The following NPFFR2 variants were observed in gnomAD, a reference collection of about 807,000 sequenced individuals.
NPFFR2 encodes the protein G-protein coupled receptor 74.
A neutral mutation model predicts 13.1 loss-of-function variants in NPFFR2; 15 were observed. That is an observed-to-expected ratio of 1.15 (90% confidence interval 0.77 to 1.76). NPFFR2 has a LOEUF of 1.76. Among genes scored for constraint, NPFFR2 ranks in the 40% most tolerant of loss-of-function variants. NPFFR2 has a pLI of 0.00. For missense variants in NPFFR2, 572 were observed against 503.5 expected (o/e 1.14, Z -1.30); for synonymous variants, 190 against 175.7 (o/e 1.08, Z -0.65).
chr4:72,047,940 G>A (rs958092574), intron 1 of NPFFR2, among the ~76,000 whole-genome samples: 6 of 152,080 alleles, frequency 3.9e-5, no homozygotes, highest in Non-Finnish European at 8.8e-5. Context: ...TCTAGGGACT[G>A]TGGGCAAGGA....
At position 72,137,904 on chromosome 4, in the gene NPFFR2, T is replaced by G. The variant is rs565725710; in HGVS notation, c.329-136T>G. On this transcript the variant is annotated intron_variant, in intron 2 of 3. Transcript: ENST00000308744. ...GCTCTGGAGATATTAGGGGAAATACTGAGAAACATTGATTTTTCTCTGCCT... is the reference window on the plus strand; with the variant it reads ...GCTCTGGAGATATTAGGGGAAATACGGAGAAACATTGATTTTTCTCTGCCT... The G allele has an allele frequency of 7.7e-6, 5 of 652,512 alleles. No homozygotes were observed. The African/African-American group carries it at 9.1e-5, about 12-fold the overall frequency. 40.4% of individuals were successfully genotyped at this position (652,512 alleles called of 1,614,324 possible). A position where few individuals can be genotyped will look rare whatever the true frequency, so the allele number is the denominator to read the frequency against.
At chr4:72,084,515 T>G (rs555114916) in intron 1 of NPFFR2, among the ~76,000 whole-genome samples, 1 of 152,294 alleles carries the variant, frequency 6.6e-6, no homozygotes, top group East Asian at 1.9e-4. Flanking sequence ...TAAGACCAAC[T>G]GGCAATAAAC....
chr4:72,114,847 T>G (rs1261882237), intron 1 of NPFFR2, among the ~76,000 whole-genome samples: 1 of 152,152 alleles, frequency 6.6e-6, no homozygotes, highest in Admixed American at 6.6e-5. Context: ...GTCTCTGAAG[T>G]CAGACTATCT....
intron 1 of NPFFR2, among the ~76,000 whole-genome samples, chr4:72,127,489 G>C (rs1348087203): frequency 1.5e-4 from 21 of 135,766 alleles, no homozygotes; most frequent in African/African-American, 5.7e-4. Flanking sequence ...TCAGCCTCCC[G>C]AGTAGCTGGG....
At chr4:72,122,528 A>G (rs181768616) in intron 1 of NPFFR2, among the ~76,000 whole-genome samples, 10 of 152,358 alleles carry the variant, frequency 6.6e-5, no homozygotes, top group African/African-American at 2.2e-4. Flanking sequence ...CAAATGCAAA[A>G]GAACAGAAAT....
rs1468143710 is a variant in NPFFR2 at position 72,128,775 on chromosome 4, G to A, written c.184G>A (p.Gly62Arg). 1.9e-6 allele frequency: 3 copies of A among 1,614,070 alleles called. No individual in the cohort carries two copies. The highest frequency in any genetic ancestry group is 2.5e-6 in the Non-Finnish European group (3 of 1,179,994). The stretch of plus-strand genomic sequence containing the variant: ...TCTGATCTTCTTTTTGTGCATGATG[G>A]GAAATACTGTGGTTTGCTTTATTGT... ...YFLIFFLCMM[G>R]NTVVCFIVMR... is the part of the protein sequence containing the mutation. The change falls in exon 2 of 4, where the codon GGA (glycine) becomes AGA (arginine). Residue 62 changes from glycine to arginine, a missense_variant. Gly to Arg is a moderately radical substitution (Grantham distance 125). Coordinates refer to ENST00000308744, the MANE Select transcript of NPFFR2 (RefSeq NM_004885.3).
chr4:72,148,026 T>A lies in NPFFR2; in HGVS notation c.*214T>A, dbSNP rs556850739. 6 of 451,072 alleles carry A rather than the reference T, an allele frequency of 1.3e-5. No homozygotes were observed. In the East Asian group the frequency reaches 1.8e-4, roughly 14 times the overall value. 27.9% of individuals were successfully genotyped at this position (451,072 alleles called of 1,614,324 possible). A position where few individuals can be genotyped will look rare whatever the true frequency, so the allele number is the denominator to read the frequency against. The stretch of plus-strand genomic sequence containing the variant: ...AAAAATACGTAGAGTGACTTAGACA[T>A]GTTTGCATGAATAAATATATTTCTA... On this transcript the variant is annotated 3_prime_UTR_variant, in exon 4 of 4. Transcript: ENST00000308744.
chr4:72,072,817 T>C (rs1720299595), intron 1 of NPFFR2, among the ~76,000 whole-genome samples: 1 of 152,080 alleles, frequency 6.6e-6, no homozygotes, highest in South Asian at 2.1e-4. Flanking sequence ...TGAAAGTAGC[T>C]TTAGAGGAGT....
intron 1 of NPFFR2, among the ~76,000 whole-genome samples, chr4:72,044,230 C>G (rs192357180): frequency 2.1e-4 from 32 of 152,262 alleles, no homozygotes; most frequent in African/African-American, 7.5e-4. Flanking sequence ...TATAAATTAC[C>G]CAGTCTTGAG....
At chr4:72,145,791 A>G (rs1722762479) in intron 3 of NPFFR2, among the ~76,000 whole-genome samples, 2 of 152,222 alleles carry the variant, frequency 1.3e-5, no homozygotes, top group South Asian at 2.1e-4. Context: ...GAATGTAACA[A>G]TTTTCATAAC....
chr4:72,103,716 A>G (rs1179271095), intron 1 of NPFFR2, among the ~76,000 whole-genome samples: 1 of 152,130 alleles, frequency 6.6e-6, no homozygotes, highest in Non-Finnish European at 1.5e-5. Context: ...TAGTTATGCC[A>G]TATCATTTCA....
intron 1 of NPFFR2, among the ~76,000 whole-genome samples, chr4:72,062,868 T>C (rs4382013): frequency 0.89 from 135,684 of 152,154 alleles, 61,598 homozygotes; most frequent in Non-Finnish European, 0.98. Flanking sequence ...AGCCAGCCTA[T>C]AGCTGACCAA....
At position 72,051,669 on chromosome 4, in the gene NPFFR2, A is replaced by C. The variant is rs190051813; in HGVS notation, c.-8+19469A>C. Among the ~76,000 whole-genome samples, 49 of 152,158 alleles carry C rather than the reference A, an allele frequency of 3.2e-4. No individual in the cohort carries two copies. In the East Asian group the frequency reaches 6.6e-3, roughly 20 times the overall value. ...CAGAGCAGAACTGAAGGAAATAGAG[A>C]CACAAAAAACCCTTCAAAAAATTGG... is the stretch of plus-strand genomic sequence containing the variant. On this transcript the variant is annotated intron_variant, in intron 1 of 3. Transcript: ENST00000308744.
chr4:72,100,345 G>A (rs1721204964), intron 1 of NPFFR2, among the ~76,000 whole-genome samples: 1 of 152,042 alleles, frequency 6.6e-6, no homozygotes, highest in Non-Finnish European at 1.5e-5. Context: ...TAATTTCTGT[G>A]TGAATATGTA....
chr4:72,039,475 A>G (rs1460463445), intron 1 of NPFFR2: 4 of 651,484 alleles, frequency 6.1e-6, no homozygotes, highest in Middle Eastern at 7.8e-4. Flanking sequence ...ACCCATTCAC[A>G]TATATACACT....
In NPFFR2 at chr4:72,063,210, A is replaced by G. The variant is rs572119524; in HGVS notation, c.-8+31010A>G. Among the ~76,000 whole-genome samples, 4 of 152,340 alleles carry G rather than the reference A, an allele frequency of 2.6e-5. 1 individual carries two copies. In the South Asian group the frequency reaches 8.3e-4, roughly 32 times the overall value. Reference sequence around the variant, plus strand: ...AGCATCTGCATTCATAACCAAAAGTATGTTTATATTTGTTATTCTACCAAG... The same window carrying G: ...AGCATCTGCATTCATAACCAAAAGTGTGTTTATATTTGTTATTCTACCAAG... On this transcript the variant is annotated intron_variant, in intron 1 of 3. Transcript: ENST00000308744.
At chr4:72,075,521 A>T (rs1720399404) in intron 1 of NPFFR2, among the ~76,000 whole-genome samples, 1 of 152,136 alleles carries the variant, frequency 6.6e-6, no homozygotes, top group Non-Finnish European at 1.5e-5. Context: ...TAATGGAGAG[A>T]ACCACCAGAC....
intron 1 of NPFFR2, among the ~76,000 whole-genome samples, chr4:72,047,209 CA>C (rs1719404921): frequency 6.6e-6 from 1 of 151,828 alleles, no homozygotes; most frequent in African/African-American, 2.4e-5. Context: ...CAGAAGAGAG[CA>C]CTAAGGATGT....
chr4:72,091,350 AT>A (rs1424178586), intron 1 of NPFFR2, among the ~76,000 whole-genome samples: 2 of 152,098 alleles, frequency 1.3e-5, no homozygotes, highest in African/African-American at 4.8e-5. Context: ...TCATAGAACG[AT>A]TTAGGGAGGA....
Sources: allele counts gnomAD v4.1 joint callset (sites outside exome capture counted in the v4.1 genomes callset), GRCh38; gene constraint gnomAD v4.1.1; transcripts MANE v1.5; gene names NCBI Gene and HGNC (gene_info 2026-07-23, HGNC 2026-07-21).